TANC2: variants seen among roughly 807,000 people sequenced by gnomAD.
TANC2 encodes the protein protein TANC2.
In TANC2, 26 loss-of-function variants were observed where a neutral mutation model predicts 210.5. The ratio of observed to expected loss-of-function variants is 0.12; its 90% CI spans 0.09 to 0.17. The LOEUF (loss-of-function observed/expected upper bound fraction) is 0.17. Among genes scored for constraint, TANC2 ranks in the 10% least tolerant of loss-of-function variants. The probability of loss-of-function intolerance (pLI) is 1.00; values close to 1 mark genes in which losing one functional copy is unlikely to be tolerated. For missense variants in TANC2, 2,129 were observed against 2,608.9 expected (o/e 0.82, Z 4.01); for synonymous variants, 931 against 967.1 (o/e 0.96, Z 0.69).
intron 3 of TANC2, among the ~76,000 whole-genome samples, chr17:63,081,558 G>A (rs2036770604): frequency 6.6e-6 from 1 of 152,090 alleles, no homozygotes; most frequent in Non-Finnish European, 1.5e-5. Flanking sequence ...AGTATAGCAT[G>A]GCCATCCCTC....
At chr17:63,004,469 A>G (rs2033522917) in intron 1 of TANC2, among the ~76,000 whole-genome samples, 2 of 152,180 alleles carry the variant, frequency 1.3e-5, no homozygotes, top group Admixed American at 1.3e-4. Flanking sequence ...GAAGTTTCTT[A>G]AAACTAGAAG....
At chr17:63,338,443 G>A (rs1294105251) in intron 11 of TANC2, among the ~76,000 whole-genome samples, 15 of 152,174 alleles carry the variant, frequency 9.9e-5, no homozygotes, top group Non-Finnish European at 2.2e-4. Context: ...TTTCTCAGCT[G>A]TGCTTAGCCT....
chr17:62,969,988 A>C (rs1376434232), intron 1 of TANC2, among the ~76,000 whole-genome samples: 1 of 152,196 alleles, frequency 6.6e-6, no homozygotes, highest in Non-Finnish European at 1.5e-5. Context: ...CACATATGAC[A>C]AAGTATTTAT....
intron 2 of TANC2, among the ~76,000 whole-genome samples, chr17:63,043,371 AC>A (rs2035262420): frequency 6.6e-6 from 1 of 152,074 alleles, no homozygotes. Context: ...ACGCATATAA[AC>A]CCATACATAA....
At chr17:62,997,592 A>G (rs1049620601) in intron 1 of TANC2, among the ~76,000 whole-genome samples, 2 of 152,216 alleles carry the variant, frequency 1.3e-5, no homozygotes, top group East Asian at 3.8e-4. Flanking sequence ...GACTGGAAAG[A>G]TAATACTTAG....
At chr17:63,356,845 A>G (rs968951608) in intron 14 of TANC2, among the ~76,000 whole-genome samples, 16 of 152,206 alleles carry the variant, frequency 1.1e-4, no homozygotes. Flanking sequence ...GTCATATAGT[A>G]TGATGCCTAG....
At chr17:63,025,922 G>C (rs989307121) in intron 2 of TANC2, among the ~76,000 whole-genome samples, 1 of 152,082 alleles carries the variant, frequency 6.6e-6, no homozygotes, top group Admixed American at 6.6e-5. Flanking sequence ...TGTAATATCT[G>C]TTGCTGGTGA....
chr17:63,098,431 T>TACAC (rs67245738), intron 3 of TANC2, among the ~76,000 whole-genome samples: 1,580 of 93,194 alleles, frequency 0.017, 25 homozygotes, highest in Non-Finnish European at 0.02. Flanking sequence ...GGCCTTAGAC[T>TACAC]ACACACACAC....
intron 4 of TANC2, among the ~76,000 whole-genome samples, chr17:63,138,119 C>CT (rs1243304362): frequency 6.6e-6 from 1 of 152,156 alleles, no homozygotes; most frequent in Non-Finnish European, 1.5e-5. Context: ...AGTTCAGAAA[C>CT]TTTACATGTG....
intron 8 of TANC2, among the ~76,000 whole-genome samples, chr17:63,258,778 G>A (rs1196115848): frequency 6.6e-6 from 1 of 152,176 alleles, no homozygotes; most frequent in Non-Finnish European, 1.5e-5. Flanking sequence ...TGCCATCCAG[G>A]AGCCAAGGCC....
chr17:63,317,832 A>T (rs183316606), intron 10 of TANC2, among the ~76,000 whole-genome samples: 68 of 152,394 alleles, frequency 4.5e-4, no homozygotes, highest in Non-Finnish European at 7.8e-4. Context: ...TCCAAAAGGA[A>T]ATAGCTAGAA....
chr17:63,398,714 G>T, intron 18 of TANC2, 107 bp from the exon 19 acceptor site: 1 of 669,190 alleles, frequency 1.5e-6, no homozygotes, highest in Non-Finnish European at 2.5e-6. Flanking sequence ...GTGTGCAAGA[G>T]ATTTAGTGAT....
At chr17:63,155,559 A>G (rs1338876332) in intron 5 of TANC2, among the ~76,000 whole-genome samples, 3 of 152,306 alleles carry the variant, frequency 2.0e-5, no homozygotes, top group Non-Finnish European at 4.4e-5. Flanking sequence ...ACAGTTTTAT[A>G]GGACTTTTGA....
chr17:63,010,358 T>A (rs2033810454), intron 2 of TANC2, among the ~76,000 whole-genome samples: 1 of 152,202 alleles, frequency 6.6e-6, no homozygotes, highest in South Asian at 2.1e-4. Flanking sequence ...GTTGCTGATT[T>A]TTTGTTTATC....
At chr17:63,007,717 C>T (rs1457242224) in intron 1 of TANC2, among the ~76,000 whole-genome samples, 1 of 152,052 alleles carries the variant, frequency 6.6e-6, no homozygotes, top group Non-Finnish European at 1.5e-5. Flanking sequence ...CATTACCCTA[C>T]TCCTTCCTTT....
chr17:63,060,880 CTT>C (rs2035973033), intron 2 of TANC2, among the ~76,000 whole-genome samples: 1 of 152,002 alleles, frequency 6.6e-6, no homozygotes, highest in Non-Finnish European at 1.5e-5. Context: ...TTTTAAATAT[CTT>C]TTTCCATTTT....
chr17:63,282,764 G>A lies in TANC2; in HGVS notation c.1159+14891G>A, dbSNP rs1450710733. 2.0e-5 allele frequency among the ~76,000 whole-genome samples: 3 copies of A among 151,798 alleles called. No homozygotes were observed. In the East Asian group the frequency reaches 5.8e-4, roughly 29 times the overall value. On this transcript the variant is annotated intron_variant, in intron 9 of 27. Transcript: ENST00000689528. ...TGATGTCTCACTGCGCCTTTAATTT[G>A]GATTTACTAGTAACTGATATTGAAA...
intron 9 of TANC2, among the ~76,000 whole-genome samples, chr17:63,282,156 A>C (rs924072103): frequency 2.0e-5 from 3 of 152,094 alleles, no homozygotes; most frequent in African/African-American, 7.2e-5. Context: ...AAACATTAGC[A>C]ATAATGAACA....
intron 8 of TANC2, among the ~76,000 whole-genome samples, chr17:63,252,720 T>C (rs753418760): frequency 2.6e-5 from 4 of 152,206 alleles, no homozygotes; most frequent in Admixed American, 6.5e-5. Flanking sequence ...AATGACAGGA[T>C]CTTACTCTTT....
Sources: gnomAD v4.1 joint callset for allele counts (sites outside exome capture counted in the v4.1 genomes callset) on GRCh38, gnomAD v4.1.1 for gene constraint, MANE v1.5 for transcripts, NCBI Gene and HGNC (gene_info 2026-07-23, HGNC 2026-07-21) for gene names.